The following PDE3B variants were observed in gnomAD, a reference collection of about 807,000 sequenced individuals.
The protein encoded by PDE3B is phosphodiesterase 3B.
In PDE3B, 66 loss-of-function variants were observed where a neutral mutation model predicts 116.8. That is an observed-to-expected ratio of 0.56 (90% CI 0.46 to 0.69). The LOEUF (loss-of-function observed/expected upper bound fraction) is 0.69. Among genes scored for constraint, PDE3B ranks in the 30% least tolerant of loss-of-function variants. The pLI, the probability that PDE3B is intolerant of heterozygous loss-of-function variation, is 0.00. For missense variants in PDE3B, 1,384 were observed against 1,368.1 expected (o/e 1.01, Z -0.18); for synonymous variants, 595 against 533.6 (o/e 1.12, Z -1.59).
At position 14,644,691 on chromosome 11, in the gene PDE3B, C is replaced by G; in HGVS notation, c.616C>G (p.Leu206Val). Residue 206 changes from leucine (L) to valine (V), a missense_variant, in exon 1 of 16, where the codon CTG becomes GTG. By Grantham distance (32) the Leu-to-Val change is conservative. This residue lies in a region of PDE3B where 956 missense variants were observed against 806.8 expected (regional missense o/e 1.18). Coordinates refer to ENST00000282096, the MANE Select transcript of PDE3B (RefSeq NM_000922.4). ...GCTGCTGGTGCTGAGCTGCGTAGGG[C>G]TGCTGCTGACGCTCGCGCACCCGCT... ...RLLLVLSCVG[L>V]LLTLAHPLRL... 1 of 1,514,686 alleles carries G rather than the reference C, an allele frequency of 6.6e-7. No individual in the cohort carries two copies. The highest frequency in any genetic ancestry group is 8.8e-7 in the Non-Finnish European group (1 of 1,133,900). 93.8% of individuals were successfully genotyped at this position (1,514,686 alleles called of 1,614,324 possible). A position where few individuals can be genotyped will look rare whatever the true frequency, so the allele number is the denominator to read the frequency against.
At chr11:14,704,971 G>A (rs930137455) in intron 1 of PDE3B, among the ~76,000 whole-genome samples, 6 of 151,430 alleles carry the variant, frequency 4.0e-5, no homozygotes, top group Non-Finnish European at 8.9e-5. Context: ...TTTGAGAAAC[G>A]ACTTATATAT....
intron 1 of PDE3B, among the ~76,000 whole-genome samples, chr11:14,702,337 T>C (rs1027590953): frequency 6.6e-6 from 1 of 152,006 alleles, no homozygotes. Context: ...TACTTCCTAA[T>C]TTCTTTTGGC....
intron 1 of PDE3B, among the ~76,000 whole-genome samples, chr11:14,746,097 G>T (rs1212235124): frequency 6.6e-6 from 1 of 152,178 alleles, no homozygotes; most frequent in African/African-American, 2.4e-5. Context: ...AATGTCTAAC[G>T]AGAGCCTGTC....
At chr11:14,866,127 T>C (rs1293001900) in intron 14 of PDE3B, among the ~76,000 whole-genome samples, 1 of 152,160 alleles carries the variant, frequency 6.6e-6, no homozygotes, top group Non-Finnish European at 1.5e-5. Flanking sequence ...AATGAACTAA[T>C]ATATGTAGAC....
At chr11:14,673,395 C>T (rs1854431768) in intron 1 of PDE3B, among the ~76,000 whole-genome samples, 1 of 151,030 alleles carries the variant, frequency 6.6e-6, no homozygotes, top group South Asian at 2.1e-4. Context: ...CTGGTAGTGA[C>T]TTTGAAATTA....
rs969659010 is a variant in PDE3B, at chr11:14,865,661, C to T, written c.2887-1845C>T. 4.6e-5 allele frequency among the ~76,000 whole-genome samples: 7 copies of T among 152,068 alleles called. No individual in the cohort carries two copies. The South Asian group carries it at 8.3e-4, about 18-fold the overall frequency. The stretch of plus-strand genomic sequence containing the variant: ...TATCTATTTAAATTATATTTAATTT[C>T]GGGTAGTAAATGGCTATATTTACCT... On this transcript the variant is annotated intron_variant, in intron 14 of 15. Coordinates refer to ENST00000282096, the MANE Select transcript of PDE3B (RefSeq NM_000922.4).
rs1446977997 is a variant in PDE3B, at chr11:14,667,080, T to C, written c.978+22027T>C. On this transcript the variant is annotated intron_variant, in intron 1 of 15. Transcript: ENST00000282096. ...CTGGATGAAGAAAATATGGCACATA[T>C]ACACCATGGAATACTATGCAGCCGT... 3.9e-5 allele frequency among the ~76,000 whole-genome samples: 6 copies of C among 152,280 alleles called. No individual in the cohort carries two copies. The South Asian group carries it at 8.3e-4, about 21-fold the overall frequency.
intron 1 of PDE3B, among the ~76,000 whole-genome samples, chr11:14,673,361 C>T (rs1854430722): frequency 6.6e-6 from 1 of 151,832 alleles, no homozygotes; most frequent in Non-Finnish European, 1.5e-5. Context: ...ACAGCATATC[C>T]TCTGTTGTCC....
intron 3 of PDE3B, among the ~76,000 whole-genome samples, 167 bp downstream of exon 3, chr11:14,786,852 TGA>T (rs1858218738): frequency 6.6e-6 from 1 of 152,076 alleles, no homozygotes; most frequent in African/African-American, 2.4e-5. Flanking sequence ...TAATTATAGT[TGA>T]GTATTCAGTT....
the PDE3B span, chr11:14,890,950 G>A: frequency 2.4e-5 from 24 of 985,298 alleles, no homozygotes; most frequent in Non-Finnish European, 2.8e-5. Flanking sequence ...TCAAAACACT[G>A]ACCACAGCCT....
At chr11:14,819,309 C>G in intron 7 of PDE3B, 100 bp downstream of exon 7, 1 of 691,624 alleles carries the variant, frequency 1.4e-6, no homozygotes, top group Non-Finnish European at 2.6e-6. Flanking sequence ...GTTTATCCAT[C>G]TTTAAAATGA....
At chr11:14,653,529 C>A (rs1325698541) in intron 1 of PDE3B, among the ~76,000 whole-genome samples, 2 of 151,960 alleles carry the variant, frequency 1.3e-5, no homozygotes, top group Admixed American at 6.6e-5. Flanking sequence ...CATGCCACTA[C>A]ACTCCAGCCT....
At chr11:14,764,784 A>G (rs1857450737) in intron 1 of PDE3B, among the ~76,000 whole-genome samples, 2 of 152,010 alleles carry the variant, frequency 1.3e-5, no homozygotes, top group Non-Finnish European at 2.9e-5. Flanking sequence ...TTAAGTTACC[A>G]TGACCATCAT....
At chr11:14,716,337 T>C (rs1465467009) in intron 1 of PDE3B, among the ~76,000 whole-genome samples, 2 of 151,950 alleles carry the variant, frequency 1.3e-5, no homozygotes, top group African/African-American at 4.8e-5. Flanking sequence ...GCAGCGAGGC[T>C]GGGGGAGGGG....
At position 14,818,260 on chromosome 11, in the gene PDE3B, C is replaced by T. The variant is rs17847308; in HGVS notation, c.1600C>T (p.Pro534Ser). The change falls in exon 6 of 16, where the codon CCC (proline) becomes TCC (serine). Residue 534 changes from proline to serine, a missense_variant. Pro to Ser is a moderately conservative substitution (Grantham distance 74). Around this residue, in one of 2 missense-constraint regions of PDE3B, gnomAD observed 956 missense variants for 806.8 expected, o/e 1.18. Transcript: ENST00000282096. ...TACTGGCTCTCTAACTAATCGATCA[C>T]CCATAGAATTTCCTGATACTGCTGA... is the stretch of plus-strand genomic sequence containing the variant. ...VSTGSLTNRS[P>S]IEFPDTADFL... is the part of the protein sequence containing the mutation. 8 of 1,613,490 alleles carry T rather than the reference C, an allele frequency of 5.0e-6. No individual in the cohort carries two copies. The East Asian group carries it at 1.6e-4, about 31-fold the overall frequency.
At chr11:14,867,469 C>G in intron 14 of PDE3B, 37 bp from the exon 15 acceptor site, 1 of 1,584,430 alleles carries the variant, frequency 6.3e-7, no homozygotes, top group South Asian at 1.1e-5. Context: ...GGTTCTTTCA[C>G]CAGTTAAAAA....
At chr11:14,826,542 AT>A (rs1163380915) in intron 7 of PDE3B, among the ~76,000 whole-genome samples, 1 of 152,146 alleles carries the variant, frequency 6.6e-6, no homozygotes, top group Non-Finnish European at 1.5e-5. Context: ...TCCTGTACAC[AT>A]AACCCCTCCC....
rs145197858 is a variant in PDE3B at position 14,743,126 on chromosome 11, GGC to G, written c.979-28810_979-28809del. On this transcript the variant is annotated intron_variant, in intron 1 of 15. Transcript: ENST00000282096. ...GAGATCTGCTGTTCTCTTCAGACCTGGCAGACAGGAACGTTTGTTTGCTGAAG... is the reference window on the plus strand; with the variant it reads ...GAGATCTGCTGTTCTCTTCAGACCTGAGACAGGAACGTTTGTTTGCTGAAG... Among the ~76,000 whole-genome samples, 569 of 152,266 alleles carry G rather than the reference GGC, an allele frequency of 3.7e-3. 4 individuals carry two copies. The highest frequency in any genetic ancestry group is 0.017 in the Middle Eastern group (5 of 294).
intron 5 of PDE3B, 126 bp downstream of exon 5, chr11:14,804,176 T>G: frequency 1.7e-6 from 1 of 605,576 alleles, no homozygotes; most frequent in Non-Finnish European, 2.9e-6. Context: ...TTAACATGAC[T>G]TAGCAGTTTG....
Sources: allele counts gnomAD v4.1 joint callset (sites outside exome capture counted in the v4.1 genomes callset), GRCh38; gene constraint gnomAD v4.1.1; regional missense constraint gnomAD v4.1.1; transcripts MANE v1.5; gene names NCBI Gene and HGNC (gene_info 2026-07-23, HGNC 2026-07-21).